ZFHX3: variants seen among roughly 807,000 people sequenced by gnomAD.
ZFHX3 encodes zinc finger homeobox 3, also known as zinc finger homeobox protein 3.
Under a neutral mutation model 279.1 loss-of-function variants are expected in ZFHX3, and 42 were observed. That is an observed-to-expected ratio of 0.15 (90% CI 0.12 to 0.19). ZFHX3 has a LOEUF of 0.19. ZFHX3 is among the 10% of genes least tolerant of loss of function. The pLI is 1.00. For missense variants in ZFHX3, 4,981 were observed against 4,754.0 expected (o/e 1.05, Z -1.40); for synonymous variants, 2,293 against 1,957.8 (o/e 1.17, Z -4.52).
intron 2 of ZFHX3, among the ~76,000 whole-genome samples, chr16:73,560,708 A>C (rs1277971190): frequency 6.6e-6 from 1 of 152,206 alleles, no homozygotes; most frequent in African/African-American, 2.4e-5. Flanking sequence ...CACGAGTACT[A>C]TCTGTGATTT....
intron 3 of ZFHX3, among the ~76,000 whole-genome samples, chr16:73,405,498 G>A (rs1260768110): frequency 6.6e-6 from 1 of 151,970 alleles, no homozygotes; most frequent in African/African-American, 2.4e-5. Flanking sequence ...TATTTTCAGT[G>A]GATTGATCTC....
At chr16:73,122,656 T>C (rs1312963804) in intron 7 of ZFHX3, among the ~76,000 whole-genome samples, 4 of 152,134 alleles carry the variant, frequency 2.6e-5, no homozygotes, top group African/African-American at 7.2e-5. Flanking sequence ...CAGCCCTTCC[T>C]AGCATCCTGT....
chr16:73,441,588 G>A (rs1009147498), intron 3 of ZFHX3, among the ~76,000 whole-genome samples: 1 of 152,074 alleles, frequency 6.6e-6, no homozygotes, highest in Admixed American at 6.6e-5. Flanking sequence ...CTCCAAGCCA[G>A]GGGTAACGAC....
At chr16:73,688,889 C>T (rs2053118854) in intron 1 of ZFHX3, among the ~76,000 whole-genome samples, 1 of 152,164 alleles carries the variant, frequency 6.6e-6, no homozygotes, top group Non-Finnish European at 1.5e-5. Context: ...TTTCTCTCCT[C>T]TTGTCTGCCG....
At chr16:73,131,123 G>A (rs1170528804) in intron 6 of ZFHX3, 1 of 525,520 alleles carries the variant, frequency 1.9e-6, no homozygotes, top group Non-Finnish European at 3.5e-6. Context: ...AATAGGACTT[G>A]TTTTCTAGGG....
In ZFHX3 at chr16:72,788,816, G is replaced by C. The variant is rs1439830307; in HGVS notation, c.9460C>G (p.Leu3154Val). 1 of 1,525,584 alleles carries C rather than the reference G, an allele frequency of 6.6e-7. No individual in the cohort carries two copies. The highest frequency in any genetic ancestry group is 8.8e-7 in the Non-Finnish European group (1 of 1,140,308). 94.5% of individuals were successfully genotyped at this position (1,525,584 alleles called of 1,614,324 possible). The change falls in exon 10 of 10, where the codon CTG (leucine) becomes GTG (valine). Residue 3154 changes from leucine (L) to valine (V), a missense_variant. Physicochemically the swap from Leu to Val is conservative, Grantham distance 32. Transcript: ENST00000268489. Reference sequence around the variant, plus strand: ...GGGGAAGGAACAGTTGTGCTGGGCAGACCCATCAAGTTCGGCTTAGGAGAC... The same window carrying C: ...GGGGAAGGAACAGTTGTGCTGGGCACACCCATCAAGTTCGGCTTAGGAGAC... ...LTSPKPNLMG[L>V]PSTTVPSPGL...
chr16:73,774,251 T>C (rs1466326350), intron 1 of ZFHX3, among the ~76,000 whole-genome samples: 3 of 152,174 alleles, frequency 2.0e-5, no homozygotes, highest in Admixed American at 6.5e-5. Context: ...GTGGACATTG[T>C]CTATTTTACT....
chr16:73,017,451 C>T (rs1318518271), intron 1 of ZFHX3, among the ~76,000 whole-genome samples: 1 of 152,040 alleles, frequency 6.6e-6, no homozygotes, highest in Non-Finnish European at 1.5e-5. Context: ...TTTTTTCCTG[C>T]CCCGCTTTCC....
At chr16:73,823,630 G>C (rs181955629) in intron 1 of ZFHX3, among the ~76,000 whole-genome samples, 5 of 152,034 alleles carry the variant, frequency 3.3e-5, no homozygotes, top group African/African-American at 4.8e-5. Context: ...ATTCATTTAC[G>C]CATTGTCTAG....
At chr16:73,841,763 G>C (rs1268886145) in intron 1 of ZFHX3, among the ~76,000 whole-genome samples, 1 of 152,032 alleles carries the variant, frequency 6.6e-6, no homozygotes, top group African/African-American at 2.4e-5. Flanking sequence ...TATTGAATCA[G>C]ACCAAATTTC....
chr16:73,591,742 T>C (rs1597016122), intron 2 of ZFHX3, among the ~76,000 whole-genome samples: 1 of 129,776 alleles, frequency 7.7e-6, no homozygotes, highest in Admixed American at 7.9e-5. Flanking sequence ...AACGGAGGGA[T>C]GGGGAATCTA....
chr16:73,058,628 G>A (rs900112420), exon 1 of ZFHX3: 3 of 238,448 alleles, frequency 1.3e-5, no homozygotes, highest in Non-Finnish European at 2.4e-5. Context: ...AGAGGCGCTC[G>A]GGCCGCGGAG....
intron 2 of ZFHX3, among the ~76,000 whole-genome samples, chr16:73,627,949 G>A (rs947286504): frequency 1.3e-5 from 2 of 152,148 alleles, no homozygotes; most frequent in Admixed American, 1.3e-4. Context: ...AGCTGTTAAT[G>A]GGAAGTGGCA....
chr16:73,402,100 A>G (rs2017267501), intron 3 of ZFHX3: 1 of 152,242 alleles, frequency 6.6e-6, no homozygotes, highest in Admixed American at 6.5e-5. Context: ...TTTGTAAAAT[A>G]TGATTTTTTT....
chr16:73,106,631 G>T (rs569651248), intron 7 of ZFHX3, among the ~76,000 whole-genome samples: 2 of 152,312 alleles, frequency 1.3e-5, no homozygotes, highest in African/African-American at 2.4e-5. Context: ...AACTAGAGAG[G>T]CTGTTGTAAT....
At chr16:73,800,850 A>G (rs1960125934) in intron 1 of ZFHX3, among the ~76,000 whole-genome samples, 1 of 152,196 alleles carries the variant, frequency 6.6e-6, no homozygotes, top group Non-Finnish European at 1.5e-5. Flanking sequence ...GTGTGAGAGC[A>G]GGCCACGGGG....
chr16:73,337,740 T>A (rs2015941471), intron 3 of ZFHX3, among the ~76,000 whole-genome samples: 1 of 151,898 alleles, frequency 6.6e-6, no homozygotes, highest in Non-Finnish European at 1.5e-5. Flanking sequence ...AGGTCCCCAC[T>A]GTACTGGTCA....
At chr16:73,270,816 C>T (rs983815058) in intron 4 of ZFHX3, among the ~76,000 whole-genome samples, 1 of 152,096 alleles carries the variant, frequency 6.6e-6, no homozygotes, top group Non-Finnish European at 1.5e-5. Context: ...TTGCATGGTA[C>T]CCACTGCGTG....
chr16:73,728,718 C>CT (rs1050077099), intron 1 of ZFHX3, among the ~76,000 whole-genome samples: 3 of 151,834 alleles, frequency 2.0e-5, no homozygotes, highest in African/African-American at 7.3e-5. Context: ...CCGTCTGTAT[C>CT]TAAAAAGAGC....
Sources: gnomAD v4.1 joint callset for allele counts (sites outside exome capture counted in the v4.1 genomes callset) on GRCh38, gnomAD v4.1.1 for gene constraint, MANE v1.5 for transcripts, NCBI Gene and HGNC (gene_info 2026-07-23, HGNC 2026-07-21) for gene names.